The following DNM3 variants were observed in gnomAD, a reference collection of about 807,000 sequenced individuals.
The protein encoded by DNM3 is dynamin 3.
Under a neutral mutation model 101.6 loss-of-function variants are expected in DNM3, and 47 were observed. The ratio of observed to expected loss-of-function variants is 0.46; its 90% CI spans 0.37 to 0.59. The LOEUF is 0.59. DNM3 is among the 20% of genes least tolerant of loss of function. The pLI is 0.00. For missense variants in DNM3, 849 were observed against 1,085.7 expected, an observed-to-expected ratio of 0.78 and a Z score of 3.06; for synonymous variants, 385 against 387.9, an observed-to-expected ratio of 0.99 and a Z score of 0.09.
chr1:172,094,961 A>G (rs1262786022), intron 13 of DNM3, among the ~76,000 whole-genome samples: 5 of 152,248 alleles, frequency 3.3e-5, no homozygotes, highest in Admixed American at 3.3e-4. Context: ...ACTTTAGATC[A>G]GAGGAAACTT....
intron 17 of DNM3, among the ~76,000 whole-genome samples, chr1:172,369,541 T>A (rs2068209687): frequency 6.6e-6 from 1 of 151,896 alleles, no homozygotes; most frequent in Admixed American, 6.6e-5. Flanking sequence ...TGGAAGCTCC[T>A]TCTCTAAGAA....
chr1:172,067,697 AT>A (rs1287604012), intron 10 of DNM3, among the ~76,000 whole-genome samples: 1 of 152,076 alleles, frequency 6.6e-6, no homozygotes, highest in Non-Finnish European at 1.5e-5. Flanking sequence ...TCTTCCTTAT[AT>A]TGAAAACAAC....
intron 2 of DNM3, among the ~76,000 whole-genome samples, chr1:171,981,053 C>T (rs2125588514): frequency 6.6e-6 from 1 of 152,258 alleles, no homozygotes; most frequent in South Asian, 2.1e-4. Context: ...AGGCGTGAGC[C>T]ACCGTGCCCG....
chr1:172,011,759 CT>C (rs1186477948), intron 4 of DNM3, among the ~76,000 whole-genome samples: 3 of 151,952 alleles, frequency 2.0e-5, no homozygotes, highest in African/African-American at 7.2e-5. Context: ...AACAGGTTAG[CT>C]TTTTCAAAAC....
intron 2 of DNM3, among the ~76,000 whole-genome samples, chr1:171,926,615 C>T (rs1293072481): frequency 6.6e-6 from 1 of 152,084 alleles, no homozygotes; most frequent in Non-Finnish European, 1.5e-5. Flanking sequence ...CTCTTAATTA[C>T]CCTTGCTTTG....
At chr1:172,254,458 A>G (rs1439442807) in intron 15 of DNM3, among the ~76,000 whole-genome samples, 1 of 152,152 alleles carries the variant, frequency 6.6e-6, no homozygotes, top group South Asian at 2.1e-4. Context: ...ACAGTTTTTC[A>G]AAGTGCTCTC....
intron 2 of DNM3, among the ~76,000 whole-genome samples, chr1:171,930,878 T>C (rs1324874361): frequency 6.6e-6 from 1 of 152,206 alleles, no homozygotes; most frequent in Admixed American, 6.5e-5. Context: ...ATTGTATTTC[T>C]ATACATTTGT....
intron 2 of DNM3, among the ~76,000 whole-genome samples, chr1:171,922,174 T>G (rs980372730): frequency 2.0e-5 from 3 of 151,622 alleles, no homozygotes; most frequent in Admixed American, 6.6e-5. Context: ...TGCATGCACA[T>G]GCACTTGGGG....
intron 2 of DNM3, among the ~76,000 whole-genome samples, chr1:171,957,323 G>GCTTC (rs1204000306): frequency 6.6e-6 from 1 of 150,504 alleles, no homozygotes; most frequent in African/African-American, 2.4e-5. Context: ...TCAGCCTCCT[G>GCTTC]AGTAGCTGGG....
Position 172,222,431 on chromosome 1 carries a change from A to G in DNM3, c.1660-31142A>G, listed in dbSNP as rs377415675. On this transcript the variant is annotated intron_variant, in intron 14 of 20. Transcript: ENST00000627582. ...GCTTTGCCCCTGGAAAGGAAAGGGA[A>G]TATACCAAGAAGTTGGTGAAGAGGC... Among the ~76,000 whole-genome samples the G allele has an allele frequency of 3.8e-4, 58 of 152,312 alleles. No homozygotes were observed. In the Middle Eastern group the frequency reaches 0.01, roughly 27 times the overall value.
intron 7 of DNM3, among the ~76,000 whole-genome samples, chr1:172,040,492 T>C (rs992968012): frequency 1.3e-5 from 2 of 151,750 alleles, no homozygotes; most frequent in Non-Finnish European, 2.9e-5. Context: ...TTTTTTTTCG[T>C]GTTTCTTTCT....
chr1:172,126,814 TA>T (rs1397132042), intron 13 of DNM3, among the ~76,000 whole-genome samples: 5 of 152,074 alleles, frequency 3.3e-5, no homozygotes, highest in Admixed American at 6.6e-5. Flanking sequence ...CTGCTTGACC[TA>T]GATTGAATGG....
intron 6 of DNM3, among the ~76,000 whole-genome samples, chr1:172,034,170 T>C (rs2048804149): frequency 6.6e-6 from 1 of 152,088 alleles, no homozygotes; most frequent in African/African-American, 2.4e-5. Flanking sequence ...TTTTAGAAAA[T>C]AAAAAATTAT....
chr1:172,326,660 A>G (rs2065949457), intron 17 of DNM3, among the ~76,000 whole-genome samples: 1 of 152,072 alleles, frequency 6.6e-6, no homozygotes, highest in Non-Finnish European at 1.5e-5. Flanking sequence ...TTAATTTTTT[A>G]TTAAATACTT....
chr1:172,174,820 C>T (rs1478540407), intron 14 of DNM3, among the ~76,000 whole-genome samples: 1 of 151,522 alleles, frequency 6.6e-6, no homozygotes, highest in East Asian at 1.9e-4. Context: ...TTGAGGGAAA[C>T]TACAATAGGA....
intron 2 of DNM3, among the ~76,000 whole-genome samples, chr1:171,969,351 T>C (rs1380567131): frequency 6.6e-6 from 1 of 152,170 alleles, no homozygotes; most frequent in African/African-American, 2.4e-5. Context: ...GGGGAATGAA[T>C]GAGCACAAAG....
At chr1:171,905,134 T>C (rs1252778694) in intron 1 of DNM3, among the ~76,000 whole-genome samples, 2 of 152,246 alleles carry the variant, frequency 1.3e-5, no homozygotes, top group Non-Finnish European at 2.9e-5. Flanking sequence ...TCTTGAGTCT[T>C]GTGGAGCAGT....
intron 2 of DNM3, among the ~76,000 whole-genome samples, chr1:171,928,244 A>T (rs1397871589): frequency 6.6e-6 from 1 of 152,082 alleles, no homozygotes; most frequent in Non-Finnish European, 1.5e-5. Context: ...GTTCCCTCTC[A>T]ACACTCTGAA....
At chr1:172,306,878 A>G (rs1464486268) in intron 15 of DNM3, among the ~76,000 whole-genome samples, 1 of 152,244 alleles carries the variant, frequency 6.6e-6, no homozygotes, top group Non-Finnish European at 1.5e-5. Flanking sequence ...AAATTAATTC[A>G]AAATGGATTA....
Sources: allele counts gnomAD v4.1 joint callset (sites outside exome capture counted in the v4.1 genomes callset), GRCh38; gene constraint gnomAD v4.1.1; transcripts MANE v1.5; gene names NCBI Gene and HGNC (gene_info 2026-07-23, HGNC 2026-07-21).